The following CPEB3 variants were observed in gnomAD, a reference collection of about 807,000 sequenced individuals.
The protein encoded by CPEB3 is cytoplasmic polyadenylation element-binding protein 3.
A neutral mutation model predicts 67.2 loss-of-function variants in CPEB3; 20 were observed. The ratio of observed to expected loss-of-function variants is 0.30; its 90% CI spans 0.21 to 0.43. CPEB3 has a LOEUF of 0.43. CPEB3 is among the 20% of genes least tolerant of loss of function. The pLI, the probability that CPEB3 is intolerant of heterozygous loss-of-function variation, is 1.00. For synonymous variants in CPEB3, 376 were observed against 393.1 expected, an observed-to-expected ratio of 0.96 and a Z score of 0.51; for missense variants, 746 against 968.6, an observed-to-expected ratio of 0.77 and a Z score of 3.05.
intron 7 of CPEB3, among the ~76,000 whole-genome samples, chr10:92,097,621 T>C (rs1402907281): frequency 1.3e-5 from 2 of 152,164 alleles, no homozygotes; most frequent in Non-Finnish European, 2.9e-5. Flanking sequence ...ATTTATACCA[T>C]ATAGTGACTT....
chr10:92,108,055 C>T (rs1427373195), intron 7 of CPEB3, among the ~76,000 whole-genome samples: 1 of 152,028 alleles, frequency 6.6e-6, no homozygotes, highest in Non-Finnish European at 1.5e-5. Flanking sequence ...TAATCTGTTC[C>T]AAAGGGAACA....
intron 4 of CPEB3, among the ~76,000 whole-genome samples, chr10:92,161,251 T>A (rs948272495): frequency 2.0e-5 from 3 of 152,086 alleles, no homozygotes; most frequent in African/African-American, 7.2e-5. Context: ...TGCTTAGATT[T>A]TTTTTTGTTT....
Position 92,268,831 on chromosome 10 carries a change from TTAAC to T in CPEB3, c.-12+22091_-12+22094del, listed in dbSNP as rs554846242. On this transcript the variant is annotated intron_variant, in intron 1 of 9. Transcript: ENST00000265997. The stretch of plus-strand genomic sequence containing the variant: ...GATGGCAACCATTGGGGTGGGGAGA[TTAAC>T]TGGGGAGTTTCATAGGTTGAGTTCC... Among the ~76,000 whole-genome samples, 274 of 152,060 alleles carry T rather than the reference TTAAC, an allele frequency of 1.8e-3. 1 individual carries two copies. The highest frequency in any genetic ancestry group is 6.4e-3 in the African/African-American group (266 of 41,470).
At chr10:92,199,958 C>T (rs1849439715) in intron 2 of CPEB3, among the ~76,000 whole-genome samples, 1 of 152,002 alleles carries the variant, frequency 6.6e-6, no homozygotes, top group Admixed American at 6.6e-5. Flanking sequence ...CCAATCCTGC[C>T]TCCACTCACT....
chr10:92,249,922 T>C (rs1852222440), intron 1 of CPEB3, among the ~76,000 whole-genome samples: 2 of 149,698 alleles, frequency 1.3e-5, no homozygotes, highest in Admixed American at 6.7e-5. Flanking sequence ...CTTCAGAGGC[T>C]GAGGCAGGAG....
chr10:92,130,855 A>C (rs1246671490), intron 6 of CPEB3, among the ~76,000 whole-genome samples: 1 of 152,150 alleles, frequency 6.6e-6, no homozygotes, highest in African/African-American at 2.4e-5. Context: ...TGGATGGTTC[A>C]TGTTTTCCTT....
intron 2 of CPEB3, among the ~76,000 whole-genome samples, chr10:92,237,387 G>A (rs987035580): frequency 2.6e-5 from 4 of 152,188 alleles, no homozygotes; most frequent in Non-Finnish European, 5.9e-5. Context: ...CACCAGGGAT[G>A]GAAAGATGAG....
At chr10:92,283,722 C>CTTTTTTTTTTTTT (rs869248048) in intron 1 of CPEB3, among the ~76,000 whole-genome samples, 5 of 108,950 alleles carry the variant, frequency 4.6e-5, no homozygotes, top group Non-Finnish European at 9.6e-5. Flanking sequence ...CTTTTTCTTT[C>CTTTTTTTTTTTTT]TTTTTTTTTT....
chr10:92,289,308 C>G (rs552443488), intron 1 of CPEB3, among the ~76,000 whole-genome samples: 1 of 151,876 alleles, frequency 6.6e-6, no homozygotes, highest in Non-Finnish European at 1.5e-5. Flanking sequence ...GAGGCCGAGA[C>G]GGGCTGATCG....
intron 5 of CPEB3, among the ~76,000 whole-genome samples, chr10:92,144,711 T>A (rs1846597433): frequency 6.6e-6 from 1 of 152,196 alleles, no homozygotes; most frequent in African/African-American, 2.4e-5. Flanking sequence ...TCCTTATCTA[T>A]AAAATGGAGA....
At chr10:92,242,069 A>G (rs1332055464) in intron 1 of CPEB3, among the ~76,000 whole-genome samples, 1 of 152,236 alleles carries the variant, frequency 6.6e-6, no homozygotes, top group East Asian at 1.9e-4. Context: ...TATGCAAAAT[A>G]TATCAGACAA....
At chr10:92,141,644 T>A (rs943857422) in intron 6 of CPEB3, among the ~76,000 whole-genome samples, 21 of 149,574 alleles carry the variant, frequency 1.4e-4, no homozygotes, top group Non-Finnish European at 2.8e-4. Flanking sequence ...TAATAAAAAA[T>A]AATAATAATA....
chr10:92,110,960 C>G, intron 7 of CPEB3, 116 bp downstream of exon 7: 2 of 806,326 alleles, frequency 2.5e-6, no homozygotes, highest in South Asian at 2.9e-5. Flanking sequence ...CATAGCAAGG[C>G]CAAGCTGGGT....
Position 92,277,646 on chromosome 10 carries a change from G to A in CPEB3, c.-12+13280C>T, listed in dbSNP as rs572500284. Among the ~76,000 whole-genome samples the A allele has an allele frequency of 1.2e-4, 18 of 151,974 alleles. No individual in the cohort carries two copies. In the South Asian group the frequency reaches 2.3e-3, roughly 19 times the overall value. Reference sequence around the variant, plus strand: ...TGGCTCATGCCCGTAATCCGAGCACGTTGGGAGGTCAAGGTTGGTGGATCA... The same window carrying A: ...TGGCTCATGCCCGTAATCCGAGCACATTGGGAGGTCAAGGTTGGTGGATCA... On this transcript the variant is annotated intron_variant, in intron 1 of 9. Coordinates refer to ENST00000265997, the MANE Select transcript of CPEB3 (RefSeq NM_014912.5).
intron 1 of CPEB3, among the ~76,000 whole-genome samples, chr10:92,278,613 T>G (rs1259208506): frequency 4.0e-5 from 6 of 151,002 alleles, no homozygotes; most frequent in Non-Finnish European, 8.9e-5. Flanking sequence ...TTTTTTTTTT[T>G]TTTTTTGAGA....
intron 1 of CPEB3, among the ~76,000 whole-genome samples, chr10:92,240,697 G>A (rs758955579): frequency 1.3e-5 from 2 of 152,032 alleles, no homozygotes; most frequent in Non-Finnish European, 2.9e-5. Context: ...CAGAGCGTTC[G>A]CCCTGCAATG....
At chr10:92,116,903 C>T (rs1048019093) in intron 6 of CPEB3, among the ~76,000 whole-genome samples, 1 of 152,022 alleles carries the variant, frequency 6.6e-6, no homozygotes, top group African/African-American at 2.4e-5. Flanking sequence ...TTCAACAATC[C>T]TAAATTGATC....
At chr10:92,208,184 T>A (rs1849887522) in intron 2 of CPEB3, among the ~76,000 whole-genome samples, 1 of 152,236 alleles carries the variant, frequency 6.6e-6, no homozygotes, top group African/African-American at 2.4e-5. Context: ...CTGAGTATGC[T>A]AGAAAGTGAA....
intron 9 of CPEB3, among the ~76,000 whole-genome samples, chr10:92,059,623 G>C (rs779009302): frequency 6.6e-6 from 1 of 151,964 alleles, no homozygotes; most frequent in African/African-American, 2.4e-5. Flanking sequence ...ATAAAGATCA[G>C]AGTAGAAATA....
Sources: gnomAD v4.1 joint callset for allele counts (sites outside exome capture counted in the v4.1 genomes callset) on GRCh38, gnomAD v4.1.1 for gene constraint, MANE v1.5 for transcripts, NCBI Gene and HGNC (gene_info 2026-07-23, HGNC 2026-07-21) for gene names.